Variants in SEC14L5 observed in about 807,000 individuals in gnomAD.
The protein encoded by SEC14L5 is SEC14 like lipid binding 5.
In SEC14L5, 96 loss-of-function variants were observed where a neutral mutation model predicts 84.6. That is an observed-to-expected ratio of 1.13 (90% confidence interval 0.96 to 1.34). The LOEUF is 1.34. SEC14L5 is among the 40% of genes most tolerant of loss of function. The probability of loss-of-function intolerance (pLI) is 0.00; values close to 1 mark genes in which losing one functional copy is unlikely to be tolerated. For synonymous variants in SEC14L5, 546 were observed against 383.4 expected (o/e 1.42, Z -4.95); for missense variants, 1,224 against 942.5 (o/e 1.30, Z -3.91).
intron 1 of SEC14L5, among the ~76,000 whole-genome samples, 196 bp downstream of exon 1, chr16:4,958,641 T>C (rs1033938542): frequency 1.6e-4 from 24 of 151,782 alleles, no homozygotes; most frequent in Non-Finnish European, 3.4e-4. Context: ...TGCGCACGGG[T>C]GTGTGTGCGT....
At chr16:4,972,140 G>C (rs748225720) in intron 2 of SEC14L5, among the ~76,000 whole-genome samples, 26 of 151,786 alleles carry the variant, frequency 1.7e-4, no homozygotes, top group Non-Finnish European at 3.4e-4. Context: ...TGAGTAGCTG[G>C]GACTATAGGT....
chr16:4,975,661 G>T (rs925229116), intron 2 of SEC14L5, among the ~76,000 whole-genome samples: 1 of 151,984 alleles, frequency 6.6e-6, no homozygotes, highest in Non-Finnish European at 1.5e-5. Context: ...TTCACATAAT[G>T]ACTTCTTTTC....
chr16:4,975,534 G>A (rs566050650), intron 2 of SEC14L5, among the ~76,000 whole-genome samples: 2 of 151,222 alleles, frequency 1.3e-5, no homozygotes, highest in Non-Finnish European at 2.9e-5. Context: ...AGTATTCCGT[G>A]GTGTATATAT....
chr16:4,996,794 A>T, intron 7 of SEC14L5, 61 bp from the exon 8 acceptor site: 1 of 1,360,492 alleles, frequency 7.4e-7, no homozygotes, highest in Non-Finnish European at 1.0e-6. Flanking sequence ...CTGGTTCTGT[A>T]ATTTTATCTG....
chr16:5,008,459 C>T lies in SEC14L5; in HGVS notation c.1611C>T (p.Thr537=), dbSNP rs770458349. ...VEILEGESVI[T]WDFDILRGDV... is the part of the protein sequence containing the mutation. Reference sequence around the variant, plus strand: ...TCCTGGAAGGAGAGTCGGTCATCACCTGGGACTTTGACATCCTGCGAGGGG... The same window carrying T: ...TCCTGGAAGGAGAGTCGGTCATCACTTGGGACTTTGACATCCTGCGAGGGG... The change falls in exon 14 of 16, where the codon ACC becomes ACT. Residue 537 remains threonine (T), a synonymous_variant. Transcript: ENST00000251170. The T allele has an allele frequency of 6.2e-7, 1 of 1,613,604 alleles. No individual in the cohort carries two copies. The highest frequency in any genetic ancestry group is 8.5e-7 in the Non-Finnish European group (1 of 1,179,784).
At chr16:4,976,235 A>G in intron 2 of SEC14L5, among the ~76,000 whole-genome samples, 1 of 152,130 alleles carries the variant, frequency 6.6e-6, no homozygotes, top group Non-Finnish European at 1.5e-5. Context: ...TTTACACACA[A>G]AGGAATTAAG....
chr16:4,983,443 T>C (rs932056297), intron 2 of SEC14L5, among the ~76,000 whole-genome samples: 1 of 108,516 alleles, frequency 9.2e-6, no homozygotes, highest in African/African-American at 3.8e-5. Context: ...ATTTATATTC[T>C]ATCTATGTTT....
Position 5,008,385 on chromosome 16 carries a change from G to T in SEC14L5, c.1573-36G>T, listed in dbSNP as rs112375640. 1.0e-4 allele frequency: 154 copies of T among 1,495,774 alleles called. 4 individuals are homozygous for T. The South Asian group carries it at 1.3e-3, about 13-fold the overall frequency. The allele number at this position is 1,495,774 out of a possible 1,614,324, so 92.7% of individuals were successfully genotyped here. A position where few individuals can be genotyped will look rare whatever the true frequency, so the allele number is the denominator to read the frequency against. ...TTCCCCACCCCAGCTCTACTCTCTCGGCCGTGACTCTCAGACCTCGCCTGT... is the reference window on the plus strand; with the variant it reads ...TTCCCCACCCCAGCTCTACTCTCTCTGCCGTGACTCTCAGACCTCGCCTGT... On this transcript the variant is annotated intron_variant, in intron 13 of 15. Transcript: ENST00000251170.
intron 11 of SEC14L5, 147 bp from the exon 12 acceptor site, chr16:5,005,767 G>A: frequency 1.4e-6 from 1 of 730,712 alleles, no homozygotes; most frequent in Non-Finnish European, 2.1e-6. Flanking sequence ...GGGAGGCTGA[G>A]GCAGGAGGAT....
chr16:5,012,412 C>A (rs1281615599), intron 15 of SEC14L5, among the ~76,000 whole-genome samples: 1 of 152,154 alleles, frequency 6.6e-6, no homozygotes, highest in Non-Finnish European at 1.5e-5. Flanking sequence ...CTCTTGTAGC[C>A]TCATGAGAAA....
At chr16:5,006,580 C>T (rs933541501) in intron 12 of SEC14L5, among the ~76,000 whole-genome samples, 2 of 152,184 alleles carry the variant, frequency 1.3e-5, no homozygotes, top group African/African-American at 4.8e-5. Context: ...TAGGTCACAA[C>T]TCTGTCATCT....
Position 5,018,865 on chromosome 16 carries a change from T to C in SEC14L5, c.*3895T>C, listed in dbSNP as rs918688830. ...AAAATTTATTGTCCAATGAGAATAG[T>C]ATAATTGTTTTCAACAAAGTCTCTT... On this transcript the variant is annotated 3_prime_UTR_variant, in exon 16 of 16. Coordinates refer to ENST00000251170, the MANE Select transcript of SEC14L5 (RefSeq NM_014692.2). 2.0e-5 allele frequency: 3 copies of C among 152,202 alleles called. No individual in the cohort carries two copies. Among genetic ancestry groups the C allele is most frequent in the African/African-American group, 7.2e-5 (3 of 41,450 alleles). The allele number at this position is 152,202 out of a possible 1,614,324, so 9.4% of individuals were successfully genotyped here.
rs1459229792 is a variant in SEC14L5, at chr16:4,958,420, A to G, written c.-77A>G. The G allele has an allele frequency of 6.6e-6, 1 of 152,548 alleles. No homozygotes were observed. The highest frequency in any genetic ancestry group is 2.4e-5 in the African/African-American group (1 of 41,406). The allele number at this position is 152,548 out of a possible 1,614,324, so 9.4% of individuals were successfully genotyped here. On this transcript the variant is annotated 5_prime_UTR_variant, in exon 1 of 16. Coordinates refer to ENST00000251170, the MANE Select transcript of SEC14L5 (RefSeq NM_014692.2). ...TTCAAGGCGGGACACACCAGGCTAGAGATCCGCGATCGGGCCCCGCCTCAG... is the reference window on the plus strand; with the variant it reads ...TTCAAGGCGGGACACACCAGGCTAGGGATCCGCGATCGGGCCCCGCCTCAG...
At chr16:4,990,681 T>C in intron 4 of SEC14L5, 86 bp from the exon 5 acceptor site, 1 of 1,349,638 alleles carries the variant, frequency 7.4e-7, no homozygotes, top group Non-Finnish European at 9.9e-7. Context: ...AGGCTCTGCC[T>C]GGGCCCAGGT....
chr16:4,964,217 C>G (rs1955165065), intron 2 of SEC14L5, among the ~76,000 whole-genome samples: 1 of 152,132 alleles, frequency 6.6e-6, no homozygotes, highest in Non-Finnish European at 1.5e-5. Context: ...CTCAGGTCGC[C>G]TGAGTCCCGA....
chr16:5,019,001 C>CT lies in SEC14L5; in HGVS notation c.*4032dup, dbSNP rs1248237126. ...CTTGCATCGTCAGCTTCCTAAAACC[C>CT]TGGAGGTTTCCCGTGGGCTCGTTCA... On this transcript the variant is annotated 3_prime_UTR_variant, in exon 16 of 16. Coordinates refer to ENST00000251170, the MANE Select transcript of SEC14L5 (RefSeq NM_014692.2). The CT allele has an allele frequency of 1.5e-4, 23 of 152,310 alleles. 1 individual carries two copies. The highest frequency in any genetic ancestry group is 5.3e-4 in the African/African-American group (22 of 41,552). The allele number at this position is 152,310 out of a possible 1,614,324, so 9.4% of individuals were successfully genotyped here.
At chr16:5,011,339 C>T in intron 15 of SEC14L5, 66 bp downstream of exon 15, 2 of 1,490,314 alleles carry the variant, frequency 1.3e-6, no homozygotes, top group Admixed American at 1.9e-5. Flanking sequence ...AATGCAGATG[C>T]CTGGCCTCCT....
chr16:5,004,108 C>A (rs1955706684), intron 11 of SEC14L5, among the ~76,000 whole-genome samples: 1 of 152,212 alleles, frequency 6.6e-6, no homozygotes, highest in African/African-American at 2.4e-5. Flanking sequence ...ACTGAAGAAA[C>A]AGTCCAGGGT....
At chr16:5,012,458 G>T (rs1160283674) in intron 15 of SEC14L5, among the ~76,000 whole-genome samples, 1 of 152,214 alleles carries the variant, frequency 6.6e-6, no homozygotes, top group Non-Finnish European at 1.5e-5. Flanking sequence ...CGCCCTCAGG[G>T]GGCAGGTGGT....
Sources: allele counts gnomAD v4.1 joint callset (sites outside exome capture counted in the v4.1 genomes callset), GRCh38; gene constraint gnomAD v4.1.1; transcripts MANE v1.5; gene names NCBI Gene and HGNC (gene_info 2026-07-23, HGNC 2026-07-21).